The following FAM120A variants were observed in gnomAD, a reference collection of about 807,000 sequenced individuals.
FAM120A encodes the protein constitutive coactivator of PPAR-gamma-like protein 1.
FAM120A carries 15 observed loss-of-function variants against 109.7 expected under a neutral mutation model. That is an observed-to-expected ratio of 0.14 (90% CI 0.09 to 0.21). The LOEUF is 0.21. Ranked by LOEUF, FAM120A falls within the 10% of genes least tolerant of loss-of-function variation. The pLI, the probability that FAM120A is intolerant of heterozygous loss-of-function variation, is 1.00. For missense variants in FAM120A, 899 were observed against 1,439.3 expected (o/e 0.62, Z 6.07); for synonymous variants, 493 against 572.8 (o/e 0.86, Z 1.99).
intron 3 of FAM120A, among the ~76,000 whole-genome samples, chr9:93,492,909 A>T (rs1859391918): frequency 6.6e-6 from 1 of 152,184 alleles, no homozygotes; most frequent in Non-Finnish European, 1.5e-5. Context: ...TTGAAGTGGG[A>T]TGGGAGTGAA....
chr9:93,458,514 A>G (rs149557885), intron 1 of FAM120A, among the ~76,000 whole-genome samples: 1 of 152,194 alleles, frequency 6.6e-6, no homozygotes, highest in Admixed American at 6.5e-5. Context: ...TCTCCTACTT[A>G]ACTGTTATAC....
chr9:93,557,942 C>T lies in FAM120A; in HGVS notation c.2600C>T (p.Pro867Leu), dbSNP rs767124058. ...FPPPPALPFY[P>L]ASAYPRHFGP... ...CCGCCACCTGCCCTGCCCTTCTACCCTGCCTCTGCGTACCCCCGGCACTTT... is the reference window on the plus strand; with the variant it reads ...CCGCCACCTGCCCTGCCCTTCTACCTTGCCTCTGCGTACCCCCGGCACTTT... The change falls in exon 14 of 18, where the codon CCT becomes CTT. Residue 867 changes from proline (P) to leucine (L), a missense_variant. By Grantham distance (98) the Pro-to-Leu change is moderately conservative. This residue lies in a region of FAM120A where 129 missense variants were observed against 153.4 expected (regional missense o/e 0.84). Transcript: ENST00000277165. The T allele has an allele frequency of 2.5e-6, 4 of 1,607,888 alleles. No individual in the cohort carries two copies. The Admixed American group carries it at 5.0e-5, about 20-fold the overall frequency.
chr9:93,495,536 G>C (rs1160499357), intron 3 of FAM120A, among the ~76,000 whole-genome samples: 2 of 152,166 alleles, frequency 1.3e-5, no homozygotes, highest in South Asian at 4.1e-4. Flanking sequence ...GTCAATTTTA[G>C]GTTTTCCAGT....
chr9:93,469,857 T>C (rs1303256996), intron 1 of FAM120A, among the ~76,000 whole-genome samples: 1 of 152,232 alleles, frequency 6.6e-6, no homozygotes, highest in Non-Finnish European at 1.5e-5. Flanking sequence ...GATTTCATTA[T>C]AGCTAACCTT....
chr9:93,562,436 C>T (rs1229214647), intron 17 of FAM120A, 132 bp downstream of exon 17: 22 of 664,352 alleles, frequency 3.3e-5, no homozygotes, highest in Non-Finnish European at 4.8e-5. Flanking sequence ...AAGTGTCTAA[C>T]ACAGTAACTG....
Position 93,562,100 on chromosome 9 carries a change from T to C in FAM120A, c.2949-108T>C, listed in dbSNP as rs1395575208. On this transcript the variant is annotated intron_variant, in intron 16 of 17. Transcript: ENST00000277165. ...TTCCGGCATAAATGGGTTAATTCAG[T>C]GCTTCATAAAACGTAAGATTGGATG... 7 of 940,572 alleles carry C rather than the reference T, an allele frequency of 7.4e-6. No homozygotes were observed. In the East Asian group the frequency reaches 8.0e-5, roughly 11 times the overall value. The allele number at this position is 940,572 out of a possible 1,614,324, so 58.3% of individuals were successfully genotyped here.
At chr9:93,539,483 T>C (rs764140228) in intron 10 of FAM120A, among the ~76,000 whole-genome samples, 1 of 152,240 alleles carries the variant, frequency 6.6e-6, no homozygotes, top group Non-Finnish European at 1.5e-5. Context: ...TTAGATGAGC[T>C]GACCTCCAGG....
intron 5 of FAM120A, among the ~76,000 whole-genome samples, chr9:93,505,051 G>GTTTTTT (rs768552939): frequency 4.9e-5 from 4 of 81,328 alleles, no homozygotes; most frequent in East Asian, 3.3e-4. Context: ...GTTCGCTTGT[G>GTTTTTT]TTTTTTTTTT....
chr9:93,475,624 A>G (rs140695572), intron 2 of FAM120A, among the ~76,000 whole-genome samples: 32 of 152,324 alleles, frequency 2.1e-4, no homozygotes, highest in African/African-American at 7.5e-4. Context: ...TAGTTTCTCA[A>G]TTGAATACAG....
intron 5 of FAM120A, among the ~76,000 whole-genome samples, chr9:93,505,292 C>T (rs1043780643): frequency 2.0e-5 from 3 of 152,058 alleles, no homozygotes; most frequent in Admixed American, 1.3e-4. Flanking sequence ...AATCTCCTGA[C>T]CTCGTGATCC....
chr9:93,508,042 C>G (rs1336755120), intron 5 of FAM120A, among the ~76,000 whole-genome samples: 3 of 152,046 alleles, frequency 2.0e-5, no homozygotes, highest in Non-Finnish European at 4.4e-5. Flanking sequence ...GGTTTTGGTG[C>G]ACATGTGGTT....
intron 5 of FAM120A, among the ~76,000 whole-genome samples, chr9:93,514,109 G>T (rs1860461291): frequency 6.6e-6 from 1 of 152,214 alleles, no homozygotes; most frequent in Admixed American, 6.5e-5. Context: ...TAGCATCATG[G>T]CAGAAGTTGA....
Position 93,452,444 on chromosome 9 carries a change from C to T in FAM120A, c.474+55C>T, listed in dbSNP as rs1345044634. On this transcript the variant is annotated intron_variant, in intron 1 of 17. Coordinates refer to ENST00000277165, the MANE Select transcript of FAM120A (RefSeq NM_014612.5). The surrounding 1 kb of genome is among the most constrained non-coding windows in gnomAD (Gnocchi z 7.0). ...ACCGGGGCCGCGCCGCACCCCTATC[C>T]CCCTTCCCAGGGCGCAGAATGTCGC... is the stretch of plus-strand genomic sequence containing the variant. The T allele has an allele frequency of 1.3e-6, 2 of 1,559,450 alleles. No homozygotes were observed. Among genetic ancestry groups the T allele is most frequent in the Non-Finnish European group, 1.7e-6 (2 of 1,154,848 alleles).
chr9:93,462,365 C>G (rs1215997355), intron 1 of FAM120A, among the ~76,000 whole-genome samples: 1 of 137,962 alleles, frequency 7.2e-6, no homozygotes, highest in Non-Finnish European at 1.5e-5. Flanking sequence ...ACTGCAACCT[C>G]TGCCTCCCGG....
rs1859655213 is a variant in FAM120A at position 93,498,245 on chromosome 9, T to C, written c.934-545T>C. 6.6e-6 allele frequency among the ~76,000 whole-genome samples: 1 copy of C among 152,040 alleles called. No individual in the cohort carries two copies. The highest frequency in any genetic ancestry group is 2.1e-4 in the South Asian group (1 of 4,824). On this transcript the variant is annotated intron_variant, in intron 4 of 17. Transcript: ENST00000277165. This position sits in a 1 kb window ranked among gnomAD's most constrained non-coding sequence, Gnocchi z 4.4. ...CTGTCTCTATTAAAAATACAAAAAT[T>C]AGCCAGGCGTGGTGGTGGGCGCCTG...
intron 5 of FAM120A, among the ~76,000 whole-genome samples, chr9:93,510,914 G>A (rs565665150): frequency 2.0e-5 from 3 of 151,496 alleles, no homozygotes; most frequent in East Asian, 1.9e-4. Context: ...GCCGTATCTC[G>A]TGATGTCTAC....
intron 1 of FAM120A, among the ~76,000 whole-genome samples, chr9:93,467,258 C>CCCCG (rs56698785): frequency 0.026 from 1,262 of 48,660 alleles, 93 homozygotes; most frequent in Non-Finnish European, 0.041. Flanking sequence ...CCCCCCCCCC[C>CCCCG]TTTTCCCCCA....
At chr9:93,523,312 T>C (rs748072571) in intron 7 of FAM120A, 2 of 1,289,454 alleles carry the variant, frequency 1.6e-6, no homozygotes, top group South Asian at 1.2e-5. Context: ...AAAAACTTTG[T>C]GTTTCACAAA....
chr9:93,529,327 C>A lies in FAM120A; in HGVS notation c.1507-26C>A, dbSNP rs1228730575. 3 of 1,544,810 alleles carry A rather than the reference C, an allele frequency of 1.9e-6. No homozygotes were observed. The South Asian group carries it at 3.7e-5, about 19-fold the overall frequency. ...TGAAAACATGACATACACTCGTTTT[C>A]CTCCCTTCTGCTCTCTGCACTGTAG... On this transcript the variant is annotated intron_variant, in intron 8 of 17. Transcript: ENST00000277165.
Sources: allele counts gnomAD v4.1 joint callset (sites outside exome capture counted in the v4.1 genomes callset), GRCh38; gene constraint gnomAD v4.1.1; regional missense constraint gnomAD v4.1.1; non-coding constraint Gnocchi (gnomAD v3.1); transcripts MANE v1.5; gene names NCBI Gene and HGNC (gene_info 2026-07-23, HGNC 2026-07-21).